The following IMPG2 variants were observed in gnomAD, a reference collection of about 807,000 sequenced individuals.
IMPG2 encodes interphotoreceptor matrix proteoglycan 2.
IMPG2 carries 91 observed loss-of-function variants against 129.2 expected under a neutral mutation model. The ratio of observed to expected loss-of-function variants is 0.70; its 90% confidence interval spans 0.59 to 0.84. The LOEUF (loss-of-function observed/expected upper bound fraction) is 0.84, where lower values mean the gene tolerates loss of function less well. Ranked by LOEUF, IMPG2 falls within the 40% of genes least tolerant of loss-of-function variation. The pLI, the probability that IMPG2 is intolerant of heterozygous loss-of-function variation, is 0.00. For synonymous variants in IMPG2, 510 were observed against 517.7 expected, an observed-to-expected ratio of 0.99 and a Z score of 0.20; for missense variants, 1,430 against 1,461.7, an observed-to-expected ratio of 0.98 and a Z score of 0.35.
At chr3:101,305,970 A>T (rs1302545198) in intron 2 of IMPG2, among the ~76,000 whole-genome samples, 1 of 152,180 alleles carries the variant, frequency 6.6e-6, no homozygotes, top group Non-Finnish European at 1.5e-5. Context: ...GATTAAAAAA[A>T]CTATTTTTCA....
At chr3:101,308,682 A>C (rs551238684) in intron 2 of IMPG2, among the ~76,000 whole-genome samples, 1 of 152,144 alleles carries the variant, frequency 6.6e-6, no homozygotes, top group Admixed American at 6.5e-5. Context: ...CATTTTCCCC[A>C]TTGTCTTGGT....
intron 11 of IMPG2, among the ~76,000 whole-genome samples, chr3:101,246,780 T>G (rs924358772): frequency 6.6e-6 from 1 of 152,224 alleles, no homozygotes; most frequent in African/African-American, 2.4e-5. Context: ...ATGTTAATTA[T>G]TTAATTTTAT....
intron 11 of IMPG2, among the ~76,000 whole-genome samples, chr3:101,248,892 G>A (rs568083023): frequency 6.6e-6 from 1 of 151,978 alleles, no homozygotes; most frequent in East Asian, 1.9e-4. Context: ...TGCCCTAGGA[G>A]GCTGACCCCT....
intron 1 of IMPG2, 105 bp from the exon 2 acceptor site, chr3:101,319,937 A>G: frequency 8.1e-7 from 1 of 1,230,778 alleles, no homozygotes; most frequent in Non-Finnish European, 1.2e-6. Context: ...TAGAGAAGCC[A>G]GTGCCCAAAT....
intron 4 of IMPG2, among the ~76,000 whole-genome samples, chr3:101,282,082 A>T (rs187360177): frequency 2.0e-5 from 3 of 152,320 alleles, no homozygotes; most frequent in Non-Finnish European, 4.4e-5. Flanking sequence ...TACAAAAATA[A>T]TCTCAAAAAA....
chr3:101,257,634 T>C lies in IMPG2; in HGVS notation c.1048A>G (p.Thr350Ala), dbSNP rs746577784. The C allele has an allele frequency of 1.1e-5, 18 of 1,613,470 alleles. No homozygotes were observed. The highest frequency in any genetic ancestry group is 1.4e-5 in the Non-Finnish European group (17 of 1,179,604). ...ELDDKPTVVY[T>A]ISNFRDYIAE... is the part of the protein sequence containing the mutation. ...ATATAATCTCTGAAGTTACTGATTG[T>C]ATAAACAACAGTGGGTTTATCATCC... The change falls in exon 10 of 19, where the codon ACA becomes GCA. Residue 350 changes from threonine (T) to alanine (A), a missense_variant. Physicochemically the swap from Thr to Ala is moderately conservative, Grantham distance 58 (BLOSUM62 0). Coordinates refer to ENST00000193391, the MANE Select transcript of IMPG2 (RefSeq NM_016247.4).
In IMPG2 at chr3:101,223,995, A is replaced by C. The variant is rs1037900152; in HGVS notation, c.*2974T>G. On this transcript the variant is annotated 3_prime_UTR_variant, in exon 19 of 19. Coordinates refer to ENST00000193391, the MANE Select transcript of IMPG2 (RefSeq NM_016247.4). ...CCCCATCTCTACTAAAAATATAAAA[A>C]TTAGCTGGGCATGGTGGTGGGTGTC... 2.0e-5 allele frequency: 3 copies of C among 152,186 alleles called. No individual in the cohort carries two copies. The highest frequency in any genetic ancestry group is 7.2e-5 in the African/African-American group (3 of 41,444). 9.4% of individuals were successfully genotyped at this position (152,186 alleles called of 1,614,324 possible). A position where few individuals can be genotyped will look rare whatever the true frequency, so the allele number is the denominator to read the frequency against.
At chr3:101,233,152 A>G (rs1320144840) in intron 14 of IMPG2, among the ~76,000 whole-genome samples, 161 bp from the exon 15 acceptor site, 1 of 152,096 alleles carries the variant, frequency 6.6e-6, no homozygotes, top group Admixed American at 6.5e-5. Flanking sequence ...AAAAACTCTC[A>G]CTCATCATAG....
chr3:101,231,626 A>C (rs9816469), intron 15 of IMPG2, among the ~76,000 whole-genome samples: 51,583 of 152,126 alleles, frequency 0.34, 11,100 homozygotes, highest in Non-Finnish European at 0.48. Context: ...CTGGACATGA[A>C]GGGACTGTTT....
chr3:101,265,545 C>T (rs921209471), intron 9 of IMPG2, among the ~76,000 whole-genome samples: 1 of 151,914 alleles, frequency 6.6e-6, no homozygotes, highest in Non-Finnish European at 1.5e-5. Context: ...ACAAAAAATC[C>T]ACTCAAAATA....
intron 3 of IMPG2, among the ~76,000 whole-genome samples, chr3:101,296,667 G>C (rs1707082637): frequency 6.7e-6 from 1 of 150,362 alleles, no homozygotes; most frequent in African/African-American, 2.4e-5. Flanking sequence ...ATCTCTGGTA[G>C]AATTCGGCTG....
At chr3:101,238,635 G>C (rs1189285057) in intron 14 of IMPG2, among the ~76,000 whole-genome samples, 1 of 152,106 alleles carries the variant, frequency 6.6e-6, no homozygotes, top group Non-Finnish European at 1.5e-5. Flanking sequence ...CATATGCAAA[G>C]AAGAAATGAA....
At position 101,225,085 on chromosome 3, in the gene IMPG2, G is replaced by A. The variant is rs752772418; in HGVS notation, c.*1884C>T. On this transcript the variant is annotated 3_prime_UTR_variant, in exon 19 of 19. Transcript: ENST00000193391. ...GATAAAATACACTTTCATCTAACAC[G>A]TAGTATAGGAAAACAGTTTACAGTC... 6.6e-5 allele frequency: 10 copies of A among 152,192 alleles called. No individual in the cohort carries two copies. Among genetic ancestry groups the A allele is most frequent in the South Asian group, 2.1e-4 (1 of 4,830 alleles). 9.4% of individuals were successfully genotyped at this position (152,192 alleles called of 1,614,324 possible). A position where few individuals can be genotyped will look rare whatever the true frequency, so the allele number is the denominator to read the frequency against.
At chr3:101,293,401 T>A (rs1423494779) in intron 3 of IMPG2, among the ~76,000 whole-genome samples, 6 of 152,096 alleles carry the variant, frequency 3.9e-5, no homozygotes, top group African/African-American at 1.4e-4. Flanking sequence ...AAAAAAAAAT[T>A]TTCTGAGCAG....
At chr3:101,315,420 C>G (rs754105205) in intron 2 of IMPG2, among the ~76,000 whole-genome samples, 1 of 152,148 alleles carries the variant, frequency 6.6e-6, no homozygotes, top group Non-Finnish European at 1.5e-5. Context: ...CAACTACAGA[C>G]TGTCCACGTG....
chr3:101,317,090 GGGAGGTGGGCATTAT>G (rs1419941916), intron 2 of IMPG2, among the ~76,000 whole-genome samples: 2 of 91,750 alleles, frequency 2.2e-5, no homozygotes, highest in Admixed American at 2.7e-4. Flanking sequence ...GAGGTAGTGA[GGGAGGTGGGCATTAT>G]AAATGGTCAT....
intron 4 of IMPG2, among the ~76,000 whole-genome samples, chr3:101,290,791 T>C (rs956455388): frequency 2.0e-5 from 3 of 152,304 alleles, no homozygotes; most frequent in African/African-American, 7.2e-5. Context: ...CTTGGTTTTT[T>C]CAATCTGTCC....
intron 9 of IMPG2, among the ~76,000 whole-genome samples, chr3:101,266,660 C>T (rs1276456688): frequency 2.0e-5 from 3 of 152,138 alleles, no homozygotes; most frequent in African/African-American, 4.8e-5. Context: ...CAGAGATTAT[C>T]TCAAGACAGT....
intron 15 of IMPG2, 48 bp downstream of exon 15, chr3:101,232,733 A>G: frequency 6.5e-7 from 1 of 1,532,298 alleles, no homozygotes. Flanking sequence ...TTTTCTTTAG[A>G]GGAAATATCT....
Sources: allele counts gnomAD v4.1 joint callset (sites outside exome capture counted in the v4.1 genomes callset), GRCh38; gene constraint gnomAD v4.1.1; transcripts MANE v1.5; gene names NCBI Gene and HGNC (gene_info 2026-07-23, HGNC 2026-07-21).